The following ESCO2 variants were observed in gnomAD, a reference collection of about 807,000 sequenced individuals.
ESCO2 encodes the protein N-acetyltransferase ESCO2.
A neutral mutation model predicts 61.7 loss-of-function variants in ESCO2; 51 were observed. That is an observed-to-expected ratio of 0.83 (90% CI 0.66 to 1.04). The LOEUF (loss-of-function observed/expected upper bound fraction) is 1.04. ESCO2 is among the 50% of genes least tolerant of loss of function. ESCO2 has a pLI of 0.00. For synonymous variants in ESCO2, 230 were observed against 238.2 expected, an observed-to-expected ratio of 0.97 and a Z score of 0.32; for missense variants, 692 against 686.2, an observed-to-expected ratio of 1.01 and a Z score of -0.09.
At position 27,780,241 on chromosome 8, in the gene ESCO2, A is replaced by T. The variant is rs145734811; in HGVS notation, c.929A>T (p.Glu310Val). 7.1e-4 allele frequency: 1,147 copies of T among 1,611,118 alleles called. 2 individuals carry two copies. The highest frequency in any genetic ancestry group is 8.8e-4 in the Non-Finnish European group (1,037 of 1,177,618). ...GATAAAAATGAGGCTTTTTCTTCAG[A>T]GGATTCTCTTGGTGAGAATAAGACA... ...KVDKNEAFSS[E>V]DSLGENKTIS... The change falls in exon 4 of 11, where the codon GAG becomes GTG. Residue 310 changes from glutamate (E) to valine (V), a missense_variant. Physicochemically the swap from Glu to Val is moderately radical, Grantham distance 121 (BLOSUM62 -2). Transcript: ENST00000305188.
In ESCO2 at chr8:27,776,755, A is replaced by T; in HGVS notation, c.447A>T (p.Gln149His). 2 of 1,613,988 alleles carry T rather than the reference A, an allele frequency of 1.2e-6. No homozygotes were observed. The highest frequency in any genetic ancestry group is 1.7e-6 in the Non-Finnish European group (2 of 1,180,032). Residue 149 changes from glutamine (Q) to histidine (H), a missense_variant, in exon 3 of 11, where the codon CAA (glutamine) becomes CAT (histidine). Physicochemically the swap from Gln to His is conservative, Grantham distance 24. Transcript: ENST00000305188. The part of the protein sequence containing the change: ...KPQKSLTAKY[Q>H]PKYRHIKPVS... The stretch of plus-strand genomic sequence containing the variant: ...AGAAGAGTTTAACTGCTAAGTATCA[A>T]CCAAAGTATAGACACATCAAGCCTG...
chr8:27,810,826 T>C (rs1486196918), downstream of ESCO2: 1 of 664,638 alleles, frequency 1.5e-6, no homozygotes, highest in Non-Finnish European at 2.5e-6. Context: ...CTATGTCTCA[T>C]TTGTGTGAGA....
At chr8:27,793,035 AAC>A (rs1213534764) in intron 9 of ESCO2, among the ~76,000 whole-genome samples, 3 of 152,244 alleles carry the variant, frequency 2.0e-5, no homozygotes, top group Non-Finnish European at 4.4e-5. Flanking sequence ...TGTAGTCATT[AAC>A]ACAGCTGGAT....
At chr8:27,788,712 T>G in intron 6 of ESCO2, 135 bp from the exon 7 acceptor site, 1 of 1,069,166 alleles carries the variant, frequency 9.4e-7, no homozygotes, top group Non-Finnish European at 1.4e-6. Flanking sequence ...GTAACCAGAT[T>G]TTCATTTAGT....
rs564858380 is a variant in ESCO2, at chr8:27,803,992, C to T, written c.*554C>T. ...TTGGGCTCAAGCGATCCTCCCAAAA[C>T]GCTGGGATTACAGTCATGAGCCACC... On this transcript the variant is annotated 3_prime_UTR_variant, in exon 11 of 11. Coordinates refer to ENST00000305188, the MANE Select transcript of ESCO2 (RefSeq NM_001017420.3). 6 of 986,668 alleles carry T rather than the reference C, an allele frequency of 6.1e-6. No individual in the cohort carries two copies. Among genetic ancestry groups the T allele is most frequent in the Admixed American group, 6.1e-5 (1 of 16,406 alleles). The allele number at this position is 986,668 out of a possible 1,614,324, so 61.1% of individuals were successfully genotyped here. A position where few individuals can be genotyped will look rare whatever the true frequency, so the allele number is the denominator to read the frequency against.
Position 27,802,739 on chromosome 8 carries a change from C to A in ESCO2, c.1674-567C>A, listed in dbSNP as rs187518110. ...TTTGGCTTTTAATTAACAATATGAT[C>A]TTTTTTTTATTTTTATTTTTTGATT... On this transcript the variant is annotated intron_variant, in intron 10 of 10. Coordinates refer to ENST00000305188, the MANE Select transcript of ESCO2 (RefSeq NM_001017420.3). Among the ~76,000 whole-genome samples, 551 of 129,988 alleles carry A rather than the reference C, an allele frequency of 4.2e-3. 5 individuals are homozygous for A. Among genetic ancestry groups the A allele is most frequent in the African/African-American group, 0.015 (534 of 35,484 alleles). The allele number at this position is 129,988 out of a possible 152,430, so 85.3% of individuals were successfully genotyped here. A position where few individuals can be genotyped will look rare whatever the true frequency, so the allele number is the denominator to read the frequency against.
chr8:27,794,042 G>C (rs111427936), intron 9 of ESCO2, among the ~76,000 whole-genome samples: 53 of 151,822 alleles, frequency 3.5e-4, no homozygotes, highest in African/African-American at 1.2e-3. Flanking sequence ...TGTCCTCCAG[G>C]TTCATTCATG....
intron 3 of ESCO2, chr8:27,779,029 C>T (rs1178530500): frequency 6.6e-6 from 1 of 152,504 alleles, no homozygotes; most frequent in Non-Finnish European, 1.5e-5. Flanking sequence ...AATTCTCTGC[C>T]TCAGCCTCCC....
upstream of ESCO2, chr8:27,772,378 C>T: frequency 1.2e-6 from 1 of 820,070 alleles, no homozygotes; most frequent in Non-Finnish European, 2.0e-6. Context: ...TGCTGGGGGA[C>T]CGAGAGGCCG....
intron 3 of ESCO2, 165 bp downstream of exon 3, chr8:27,777,334 C>T: frequency 3.1e-6 from 2 of 647,918 alleles, no homozygotes; most frequent in South Asian, 2.1e-5. Context: ...AAGACAGGGT[C>T]TTTCTTTATG....
At position 27,794,438 on chromosome 8, in the gene ESCO2, T is replaced by C. The variant is rs1320019817; in HGVS notation, c.1497+1627T>C. ...AATATCTATTCTGGTTCTTTGCCCA[T>C]TTTTTAATCAGAGTATTTGTTTTCT... On this transcript the variant is annotated intron_variant, in intron 9 of 10. Coordinates refer to ENST00000305188, the MANE Select transcript of ESCO2 (RefSeq NM_001017420.3). Among the ~76,000 whole-genome samples, 44 of 152,230 alleles carry C rather than the reference T, an allele frequency of 2.9e-4. 2 individuals carry two copies. The highest frequency in any genetic ancestry group is 2.7e-3 in the Admixed American group (42 of 15,286).
downstream of ESCO2, among the ~76,000 whole-genome samples, chr8:27,813,354 CTAATG>C (rs954856677): frequency 2.0e-5 from 3 of 152,042 alleles, no homozygotes; most frequent in Admixed American, 1.3e-4. Flanking sequence ...GGAGAAATAC[CTAATG>C]TAAATGACTA....
At chr8:27,772,822 C>G (rs143965113), upstream of ESCO2, among the ~76,000 whole-genome samples, 1 of 152,308 alleles carries the variant, frequency 6.6e-6, no homozygotes, top group African/African-American at 2.4e-5. Flanking sequence ...CTTTCCTCAG[C>G]AGCGAAATGA....
downstream of ESCO2, among the ~76,000 whole-genome samples, chr8:27,809,256 A>G (rs912725407): frequency 6.6e-6 from 1 of 152,208 alleles, no homozygotes; most frequent in Non-Finnish European, 1.5e-5. Context: ...TTGTCACATT[A>G]TTTTGATGGA....
intron 3 of ESCO2, chr8:27,779,471 T>C (rs1804874229): frequency 6.6e-6 from 1 of 152,238 alleles, no homozygotes; most frequent in East Asian, 1.9e-4. Context: ...CTCTAGAATG[T>C]TCTTTCCTTA....
chr8:27,814,219 C>T (rs939559663), downstream of ESCO2, among the ~76,000 whole-genome samples: 1 of 152,150 alleles, frequency 6.6e-6, no homozygotes, highest in Non-Finnish European at 1.5e-5. Flanking sequence ...TCTTAGTAGA[C>T]ATAGGGCTAT....
Position 27,803,577 on chromosome 8 carries a change from C to CAT in ESCO2, c.*142_*143dup. 1 of 1,447,738 alleles carries CAT rather than the reference C, an allele frequency of 6.9e-7. No individual in the cohort carries two copies. Among genetic ancestry groups the CAT allele is most frequent in the African/African-American group, 1.4e-5 (1 of 69,590 alleles). 89.7% of individuals were successfully genotyped at this position (1,447,738 alleles called of 1,614,324 possible). A position where few individuals can be genotyped will look rare whatever the true frequency, so the allele number is the denominator to read the frequency against. On this transcript the variant is annotated 3_prime_UTR_variant, in exon 11 of 11. Coordinates refer to ENST00000305188, the MANE Select transcript of ESCO2 (RefSeq NM_001017420.3). ...ACACACACACACACACGCACACACA[C>CAT]ATATCACAGTTTTGTTCCTTATGAG...
chr8:27,803,286 C>A lies in ESCO2; in HGVS notation c.1674-20C>A, dbSNP rs1805490796. The stretch of plus-strand genomic sequence containing the variant: ...TGTTAAGTTGCTTCCATCATTAAAT[C>A]ATCTTTTCTTCTCTTTTAGGAATTG... On this transcript the variant is annotated intron_variant, in intron 10 of 10. Coordinates refer to ENST00000305188, the MANE Select transcript of ESCO2 (RefSeq NM_001017420.3). 2 of 1,610,598 alleles carry A rather than the reference C, an allele frequency of 1.2e-6. No homozygotes were observed. Among genetic ancestry groups the A allele is most frequent in the Admixed American group, 1.7e-5 (1 of 59,972 alleles).
intron 10 of ESCO2, among the ~76,000 whole-genome samples, chr8:27,802,493 G>C (rs1476883602): frequency 6.8e-6 from 1 of 147,054 alleles, no homozygotes; most frequent in East Asian, 2.1e-4. Context: ...TGTAATCCCA[G>C]CTACTCGGGA....
Sources: gnomAD v4.1 joint callset for allele counts (sites outside exome capture counted in the v4.1 genomes callset) on GRCh38, gnomAD v4.1.1 for gene constraint, MANE v1.5 for transcripts, NCBI Gene and HGNC (gene_info 2026-07-23, HGNC 2026-07-21) for gene names.